Variants in CGGBP1 observed in about 807,000 individuals in gnomAD.
CGGBP1 encodes CGG triplet repeat binding protein 1.
CGGBP1 carries 4 observed loss-of-function variants against 11.4 expected under a neutral mutation model. That is an observed-to-expected ratio of 0.35 (90% CI 0.17 to 0.80). The LOEUF (loss-of-function observed/expected upper bound fraction) is 0.80. Ranked by LOEUF, CGGBP1 falls within the 30% of genes least tolerant of loss-of-function variation. The probability of loss-of-function intolerance (pLI) is 0.52; values close to 1 mark genes in which losing one functional copy is unlikely to be tolerated. For synonymous variants in CGGBP1, 76 were observed against 74.1 expected, an observed-to-expected ratio of 1.03 and a Z score of -0.13; for missense variants, 135 against 202.1, an observed-to-expected ratio of 0.67 and a Z score of 2.01.
At chr3:88,129,617 A>G in intron 2 of CGGBP1, 2 of 1,194,166 alleles carry the variant, frequency 1.7e-6, no homozygotes, top group Non-Finnish European at 2.2e-6. Context: ...TTGAATGTTT[A>G]AACATTTATT....
intron 2 of CGGBP1, among the ~76,000 whole-genome samples, chr3:88,127,985 G>A (rs1361982455): frequency 6.6e-6 from 1 of 152,112 alleles, no homozygotes; most frequent in Non-Finnish European, 1.5e-5. Context: ...CACTTTAGAA[G>A]CTACTGATTA....
At chr3:88,111,684 T>C (rs1405271724) in intron 2 of CGGBP1, among the ~76,000 whole-genome samples, 2 of 152,038 alleles carry the variant, frequency 1.3e-5, no homozygotes, top group Admixed American at 1.3e-4. Flanking sequence ...CTTATATATG[T>C]ATATTTCGAG....
chr3:88,110,833 C>G (rs574060817), intron 2 of CGGBP1, among the ~76,000 whole-genome samples: 1 of 152,094 alleles, frequency 6.6e-6, no homozygotes, highest in Non-Finnish European at 1.5e-5. Context: ...TTCATAAATA[C>G]TTGCTGACTT....
At chr3:88,134,193 G>A (rs1398146284) in intron 2 of CGGBP1, among the ~76,000 whole-genome samples, 1 of 151,862 alleles carries the variant, frequency 6.6e-6, no homozygotes, top group African/African-American at 2.4e-5. Context: ...CTACTCATAT[G>A]TTGCTTGCTG....
In CGGBP1 at chr3:88,058,168, A is replaced by G. The variant is rs1706615865; in HGVS notation, c.-275T>C. The G allele has an allele frequency of 6.6e-6, 1 of 152,208 alleles. No individual in the cohort carries two copies. Among genetic ancestry groups the G allele is most frequent in the East Asian group, 1.9e-4 (1 of 5,190 alleles). 9.4% of individuals were successfully genotyped at this position (152,208 alleles called of 1,614,324 possible). A position where few individuals can be genotyped will look rare whatever the true frequency, so the allele number is the denominator to read the frequency against. On this transcript the variant is annotated 5_prime_UTR_variant, in exon 2 of 4. Coordinates refer to ENST00000482016, the MANE Select transcript of CGGBP1 (RefSeq NM_001008390.2). ...TTTTTCAACAAGTGGTGGTGGGGAA[A>G]TAGTTTCTGGGCTTGCACCCGATTT... is the stretch of plus-strand genomic sequence containing the variant.
At chr3:88,103,954 G>A (rs185144215) in intron 2 of CGGBP1, among the ~76,000 whole-genome samples, 104 of 151,752 alleles carry the variant, frequency 6.9e-4, no homozygotes, top group Non-Finnish European at 1.4e-3. Flanking sequence ...TTTAGACGGG[G>A]TTTTGTCATG....
chr3:88,056,018 C>A lies in CGGBP1; in HGVS notation c.-23-19G>T. On this transcript the variant is annotated intron_variant, in intron 3 of 3. Coordinates refer to ENST00000482016, the MANE Select transcript of CGGBP1 (RefSeq NM_001008390.2). ...TATGGTTCTTTCAAGACAAAAGAAA[C>A]AAAGATGAGTATTATAACAACAGTT... 6.5e-7 allele frequency: 1 copy of A among 1,528,056 alleles called. No homozygotes were observed. Among genetic ancestry groups the A allele is most frequent in the African/African-American group, 1.4e-5 (1 of 72,382 alleles). 94.7% of individuals were successfully genotyped at this position (1,528,056 alleles called of 1,614,324 possible). A position where few individuals can be genotyped will look rare whatever the true frequency, so the allele number is the denominator to read the frequency against.
At chr3:88,143,930 T>A (rs1370951223) in intron 1 of CGGBP1, 3 of 152,132 alleles carry the variant, frequency 2.0e-5, no homozygotes, top group Non-Finnish European at 4.4e-5. Context: ...ATAGGGTGCA[T>A]AAACTTCCAA....
At chr3:88,106,541 C>T (rs906665046) in intron 2 of CGGBP1, among the ~76,000 whole-genome samples, 3 of 152,064 alleles carry the variant, frequency 2.0e-5, no homozygotes, top group Non-Finnish European at 4.4e-5. Flanking sequence ...GTTTCGTTCG[C>T]CATGTTGGCC....
At chr3:88,074,071 A>T (rs1707663523) in intron 2 of CGGBP1, among the ~76,000 whole-genome samples, 1 of 152,186 alleles carries the variant, frequency 6.6e-6, no homozygotes, top group Non-Finnish European at 1.5e-5. Context: ...TGTCCACAAA[A>T]ATAAGAATCT....
chr3:88,069,582 C>T lies in CGGBP1; in HGVS notation c.-228-11359G>A, dbSNP rs565367496. 5.3e-5 allele frequency among the ~76,000 whole-genome samples: 8 copies of T among 152,330 alleles called. 1 individual carries two copies. Among genetic ancestry groups the T allele is most frequent in the African/African-American group, 9.6e-5 (4 of 41,576 alleles). On this transcript the variant is annotated intron_variant, in intron 2 of 3. Coordinates refer to the CGGBP1 transcript ENST00000462901. ...AACAGGACAATGTTTGCTTACCACA[C>T]TATATCCCCAGTGCCTTATATAATT...
At chr3:88,079,412 TATA>T (rs919016537) in intron 2 of CGGBP1, among the ~76,000 whole-genome samples, 1 of 152,118 alleles carries the variant, frequency 6.6e-6, no homozygotes, top group Admixed American at 6.5e-5. Flanking sequence ...ATAGCTGCCT[TATA>T]ATATTTGATG....
At chr3:88,112,475 G>T (rs1705151614) in intron 2 of CGGBP1, among the ~76,000 whole-genome samples, 1 of 151,528 alleles carries the variant, frequency 6.6e-6, no homozygotes, top group African/African-American at 2.4e-5. Context: ...ATTATTAAGA[G>T]CACATAAAGT....
Position 88,053,832 on chromosome 3 carries a change from G to A in CGGBP1, c.*1641C>T, listed in dbSNP as rs991964141. 2.0e-5 allele frequency: 3 copies of A among 152,530 alleles called. No homozygotes were observed. Among genetic ancestry groups the A allele is most frequent in the Non-Finnish European group, 2.9e-5 (2 of 67,970 alleles). The allele number at this position is 152,530 out of a possible 1,614,324, so 9.4% of individuals were successfully genotyped here. ...CTCCTCATACATGTGCTTCATCAAC[G>A]AGAGCACTACTCTAGGCATGCATTT... On this transcript the variant is annotated 3_prime_UTR_variant, in exon 4 of 4. Coordinates refer to ENST00000482016, the MANE Select transcript of CGGBP1 (RefSeq NM_001008390.2).
At chr3:88,096,887 A>G (rs559924073) in intron 2 of CGGBP1, among the ~76,000 whole-genome samples, 1 of 152,252 alleles carries the variant, frequency 6.6e-6, no homozygotes, top group East Asian at 1.9e-4. Flanking sequence ...TATAATGCAT[A>G]TATAAGAAAA....
intron 2 of CGGBP1, chr3:88,086,318 C>A: frequency 6.5e-7 from 1 of 1,534,938 alleles, no homozygotes; most frequent in Non-Finnish European, 8.7e-7. Flanking sequence ...GTTCTTCAGA[C>A]TGCCCTTTGT....
upstream of CGGBP1, among the ~76,000 whole-genome samples, chr3:88,062,962 A>G (rs1474074439): frequency 6.6e-6 from 1 of 152,222 alleles, no homozygotes; most frequent in Non-Finnish European, 1.5e-5. Flanking sequence ...AACTTGAGAG[A>G]AAATTTAGAA....
At chr3:88,075,730 T>C (rs1315877123) in intron 2 of CGGBP1, among the ~76,000 whole-genome samples, 2 of 152,240 alleles carry the variant, frequency 1.3e-5, no homozygotes, top group East Asian at 1.9e-4. Flanking sequence ...GAGCCTGTTA[T>C]TAAATTTGCC....
upstream of CGGBP1, chr3:88,059,148 A>G (rs1706680040): frequency 1.5e-6 from 2 of 1,297,442 alleles, no homozygotes; most frequent in Non-Finnish European, 2.0e-6. Context: ...CTTCCAATAA[A>G]AACTGGGGGC....
Sources: allele counts gnomAD v4.1 joint callset (sites outside exome capture counted in the v4.1 genomes callset), GRCh38; gene constraint gnomAD v4.1.1; transcripts MANE v1.5; gene names NCBI Gene and HGNC (gene_info 2026-07-23, HGNC 2026-07-21).